ATG14: variants seen among roughly 807,000 people sequenced by gnomAD.
The protein encoded by ATG14 is autophagy related 14, also known as beclin 1-associated autophagy-related key regulator.
A neutral mutation model predicts 60.4 loss-of-function variants in ATG14; 35 were observed. That is an observed-to-expected ratio of 0.58 (90% CI 0.44 to 0.77). The LOEUF (loss-of-function observed/expected upper bound fraction) is 0.77, where lower values mean the gene tolerates loss of function less well. ATG14 is among the 30% of genes least tolerant of loss of function. ATG14 has a pLI of 0.00. For synonymous variants in ATG14, 234 were observed against 228.8 expected, an observed-to-expected ratio of 1.02 and a Z score of -0.21; for missense variants, 647 against 626.3, an observed-to-expected ratio of 1.03 and a Z score of -0.35.
intron 3 of ATG14, among the ~76,000 whole-genome samples, chr14:55,394,622 C>T (rs1566583342): frequency 2.0e-5 from 3 of 152,146 alleles, no homozygotes; most frequent in Admixed American, 1.3e-4. Flanking sequence ...ATTAGGAAAA[C>T]AGGACTACCA....
intron 7 of ATG14, among the ~76,000 whole-genome samples, chr14:55,378,966 C>G (rs1002238533): frequency 5.9e-5 from 9 of 152,130 alleles, no homozygotes; most frequent in Non-Finnish European, 1.5e-5. Flanking sequence ...CCTCAGCTTC[C>G]CAAAGTGCTG....
intron 5 of ATG14, among the ~76,000 whole-genome samples, chr14:55,382,417 G>C (rs537080454): frequency 6.6e-6 from 1 of 152,280 alleles, no homozygotes; most frequent in African/African-American, 2.4e-5. Context: ...CTAGACTCCA[G>C]AGATACTCCT....
chr14:55,392,003 C>T lies in ATG14; in HGVS notation c.328-1011G>A, dbSNP rs556202324. On this transcript the variant is annotated intron_variant, in intron 3 of 9. Transcript: ENST00000247178. The stretch of plus-strand genomic sequence containing the variant: ...TTCAGCACCCCCTAAAGCAGTGGTC[C>T]CCAACTTTTTTGGCACCAGGGACCA... Among the ~76,000 whole-genome samples, 8 of 152,194 alleles carry T rather than the reference C, an allele frequency of 5.3e-5. No homozygotes were observed. The East Asian group carries it at 1.5e-3, about 29-fold the overall frequency.
intron 3 of ATG14, chr14:55,395,176 T>C (rs1594782737): frequency 2.2e-6 from 1 of 449,842 alleles, no homozygotes; most frequent in East Asian, 6.8e-5. Context: ...CGTGCCGATC[T>C]CCTCTTGGGC....
chr14:55,385,737 T>C (rs1885114260), intron 5 of ATG14, 122 bp downstream of exon 5: 1 of 894,842 alleles, frequency 1.1e-6, no homozygotes, highest in Non-Finnish European at 1.7e-6. Context: ...ATAAGACTTA[T>C]GTTCCATCAC....
chr14:55,407,424 C>T (rs1454192108), intron 1 of ATG14, among the ~76,000 whole-genome samples: 5 of 152,152 alleles, frequency 3.3e-5, no homozygotes, highest in African/African-American at 4.8e-5. Flanking sequence ...CCACTGCCCC[C>T]GGCCTCATTT....
intron 1 of ATG14, among the ~76,000 whole-genome samples, chr14:55,400,615 T>TA (rs1481285451): frequency 6.6e-6 from 1 of 152,144 alleles, no homozygotes; most frequent in Non-Finnish European, 1.5e-5. Context: ...ACAAATAAAA[T>TA]AAACTGGGCC....
Position 55,366,606 on chromosome 14 carries a change from T to C in ATG14, c.*3013A>G, listed in dbSNP as rs757968298. ...CCGTCCACTCTACCCAATGGTGATATACTGTTTTTCCCCCTTACAGATGTG... is the reference window on the plus strand; with the variant it reads ...CCGTCCACTCTACCCAATGGTGATACACTGTTTTTCCCCCTTACAGATGTG... On this transcript the variant is annotated 3_prime_UTR_variant, in exon 10 of 10. Coordinates refer to ENST00000247178, the MANE Select transcript of ATG14 (RefSeq NM_014924.5). 2.6e-5 allele frequency: 4 copies of C among 151,226 alleles called. No homozygotes were observed. Among genetic ancestry groups the C allele is most frequent in the Admixed American group, 6.6e-5 (1 of 15,188 alleles). The allele number at this position is 151,226 out of a possible 1,614,324, so 9.4% of individuals were successfully genotyped here.
chr14:55,392,568 G>C (rs1031163570), intron 3 of ATG14, among the ~76,000 whole-genome samples: 5 of 150,806 alleles, frequency 3.3e-5, no homozygotes, highest in Admixed American at 3.3e-4. Flanking sequence ...AGAATCGCTT[G>C]AGCCCAGGAG....
chr14:55,409,606 A>C (rs908369487), intron 1 of ATG14, among the ~76,000 whole-genome samples: 3 of 152,152 alleles, frequency 2.0e-5, no homozygotes, highest in African/African-American at 7.2e-5. Flanking sequence ...TCTGAGAGAA[A>C]GAGTTCCTGG....
intron 1 of ATG14, among the ~76,000 whole-genome samples, chr14:55,406,006 G>T (rs748790836): frequency 6.6e-6 from 1 of 152,166 alleles, no homozygotes; most frequent in Non-Finnish European, 1.5e-5. Context: ...AAGTTGTAGG[G>T]AAGTCTTCCC....
intron 9 of ATG14, among the ~76,000 whole-genome samples, chr14:55,376,971 C>A (rs557091201): frequency 5.3e-5 from 8 of 152,248 alleles, no homozygotes; most frequent in African/African-American, 1.9e-4. Context: ...TTTTTAAGCT[C>A]ATTGATTTCA....
At chr14:55,411,127 A>G (rs987201371) in intron 1 of ATG14, among the ~76,000 whole-genome samples, 2 of 152,218 alleles carry the variant, frequency 1.3e-5, no homozygotes, top group Non-Finnish European at 2.9e-5. Flanking sequence ...CATGTCTGAT[A>G]ACAAAGTCCA....
intron 2 of ATG14, among the ~76,000 whole-genome samples, chr14:55,397,121 C>T (rs1006835514): frequency 3.9e-5 from 6 of 152,220 alleles, no homozygotes. Context: ...CATCAATTAT[C>T]AGTGCCAGGG....
intron 1 of ATG14, among the ~76,000 whole-genome samples, chr14:55,408,835 A>G (rs1885528670): frequency 6.6e-6 from 1 of 152,230 alleles, no homozygotes. Flanking sequence ...TCAAGGGAGC[A>G]TGAGTCAAAA....
At chr14:55,410,569 G>A (rs1278158476) in intron 1 of ATG14, among the ~76,000 whole-genome samples, 3 of 152,154 alleles carry the variant, frequency 2.0e-5, no homozygotes, top group African/African-American at 7.2e-5. Flanking sequence ...CTCCATCCAC[G>A]ATCACAGAAA....
intron 1 of ATG14, among the ~76,000 whole-genome samples, chr14:55,402,926 AATATATATATATAT>A (rs71131262): frequency 0.017 from 273 of 16,372 alleles, 5 homozygotes; most frequent in African/African-American, 0.035. Context: ...AAAAAAAAAA[AATATATATATATAT>A]ATATATATAT....
intron 3 of ATG14, among the ~76,000 whole-genome samples, chr14:55,391,659 T>C (rs545574955): frequency 2.6e-5 from 4 of 152,280 alleles, no homozygotes; most frequent in South Asian, 4.1e-4. Flanking sequence ...ATTCAGTTCC[T>C]TACTCACACC....
At chr14:55,393,163 C>T (rs1039163911) in intron 3 of ATG14, among the ~76,000 whole-genome samples, 22 of 152,194 alleles carry the variant, frequency 1.4e-4, no homozygotes, top group South Asian at 2.1e-4. Context: ...GGGCGGATCA[C>T]GAGGTCAGGA....
Sources: allele counts gnomAD v4.1 joint callset (sites outside exome capture counted in the v4.1 genomes callset), GRCh38; gene constraint gnomAD v4.1.1; transcripts MANE v1.5; gene names NCBI Gene and HGNC (gene_info 2026-07-23, HGNC 2026-07-21).